Variants in TUT4 observed in about 807,000 individuals in gnomAD.
TUT4 encodes terminal uridylyl transferase 4.
A neutral mutation model predicts 192.2 loss-of-function variants in TUT4; 36 were observed. The ratio of observed to expected loss-of-function variants is 0.19; its 90% CI spans 0.14 to 0.25. TUT4 has a LOEUF of 0.25. Ranked by LOEUF, TUT4 falls within the 10% of genes least tolerant of loss-of-function variation. The pLI, the probability that TUT4 is intolerant of heterozygous loss-of-function variation, is 1.00. For synonymous variants in TUT4, 618 were observed against 666.0 expected, an observed-to-expected ratio of 0.93 and a Z score of 1.11; for missense variants, 1,493 against 1,957.2, an observed-to-expected ratio of 0.76 and a Z score of 4.47.
Position 52,463,822 on chromosome 1 carries a change from G to A in TUT4, c.3069+1248C>T, listed in dbSNP as rs1663300827. ...AGCGTAAGTACCCACTCTTACTGCT[G>A]AAATTGCACTTGGGGAAGGTCTGCT... On this transcript the variant is annotated intron_variant, in intron 16 of 29. Coordinates refer to ENST00000257177, the MANE Select transcript of TUT4 (RefSeq NM_001009881.3). 6 of 1,298,782 alleles carry A rather than the reference G, an allele frequency of 4.6e-6. No homozygotes were observed. In the South Asian group the frequency reaches 7.5e-5, roughly 16 times the overall value. 80.5% of individuals were successfully genotyped at this position (1,298,782 alleles called of 1,614,324 possible).
At chr1:52,526,896 G>A (rs1681922126) in intron 1 of TUT4, among the ~76,000 whole-genome samples, 1 of 152,024 alleles carries the variant, frequency 6.6e-6, no homozygotes, top group Non-Finnish European at 1.5e-5. Flanking sequence ...ATGGTGGCGT[G>A]CGCCTGTAAT....
Position 52,446,497 on chromosome 1 carries a change from A to C in TUT4, c.3514-55T>G, listed in dbSNP as rs565438214. On this transcript the variant is annotated intron_variant, in intron 21 of 29. Transcript: ENST00000257177. The stretch of plus-strand genomic sequence containing the variant: ...ATGTCTATACAGTACTATCCAAAAC[A>C]TGGACAGCAAATTTAAGTAAAATTA... The C allele has an allele frequency of 3.9e-6, 6 of 1,555,424 alleles. No individual in the cohort carries two copies. In the South Asian group the frequency reaches 6.1e-5, roughly 16 times the overall value.
intron 28 of TUT4, among the ~76,000 whole-genome samples, chr1:52,426,917 T>G (rs1223080457): frequency 1.3e-5 from 2 of 152,184 alleles, no homozygotes; most frequent in East Asian, 1.9e-4. Context: ...CAACTATGAT[T>G]ATTATTTTAA....
intron 3 of TUT4, among the ~76,000 whole-genome samples, chr1:52,512,071 T>A (rs1677322828): frequency 6.6e-6 from 1 of 152,162 alleles, no homozygotes; most frequent in Non-Finnish European, 1.5e-5. Context: ...AAATCAATCA[T>A]ATAAACTTTT....
chr1:52,487,834 A>G (rs1388991519), intron 9 of TUT4, among the ~76,000 whole-genome samples: 1 of 152,246 alleles, frequency 6.6e-6, no homozygotes. Flanking sequence ...ATGTGCTGAC[A>G]CAGTAAAATA....
At chr1:52,547,878 G>A (rs555796371) in intron 1 of TUT4, among the ~76,000 whole-genome samples, 66 of 152,274 alleles carry the variant, frequency 4.3e-4, no homozygotes, top group African/African-American at 8.9e-4. Context: ...GATTGTTAAT[G>A]GGAACTGGGT....
At chr1:52,480,773 C>G (rs1293589735) in intron 11 of TUT4, among the ~76,000 whole-genome samples, 1 of 152,132 alleles carries the variant, frequency 6.6e-6, no homozygotes, top group Non-Finnish European at 1.5e-5. Flanking sequence ...AATAAGCAAG[C>G]ATTGGCTGAG....
intron 14 of TUT4, among the ~76,000 whole-genome samples, chr1:52,470,906 G>T (rs539091413): frequency 2.0e-5 from 3 of 150,124 alleles, no homozygotes; most frequent in African/African-American, 4.9e-5. Flanking sequence ...CATGCAAGCC[G>T]TTCCCCAAAA....
At chr1:52,506,875 T>C (rs1390079461) in intron 4 of TUT4, among the ~76,000 whole-genome samples, 1 of 152,240 alleles carries the variant, frequency 6.6e-6, no homozygotes, top group East Asian at 1.9e-4. Context: ...GTGAACTTTT[T>C]TCAGTGATGA....
intron 2 of TUT4, among the ~76,000 whole-genome samples, chr1:52,524,623 T>C (rs879674864): frequency 5.9e-5 from 9 of 151,764 alleles, no homozygotes; most frequent in Non-Finnish European, 8.8e-5. Flanking sequence ...CTGGCCAATA[T>C]GGTGAAATCC....
chr1:52,455,581 C>A (rs1660654430), intron 20 of TUT4, among the ~76,000 whole-genome samples: 1 of 122,736 alleles, frequency 8.1e-6, no homozygotes, highest in Non-Finnish European at 1.6e-5. Context: ...CCAGCCCGGG[C>A]AGCAACAGGA....
intron 9 of TUT4, among the ~76,000 whole-genome samples, chr1:52,484,582 T>A (rs1669329588): frequency 6.6e-6 from 1 of 152,212 alleles, no homozygotes; most frequent in African/African-American, 2.4e-5. Flanking sequence ...TTTTAAATTT[T>A]CATTTAAGTA....
At chr1:52,425,864 G>A (rs1399066012) in intron 28 of TUT4, among the ~76,000 whole-genome samples, 1 of 151,624 alleles carries the variant, frequency 6.6e-6, no homozygotes, top group Non-Finnish European at 1.5e-5. Context: ...GGCAAAATAG[G>A]GAGGGGGTGG....
At chr1:52,536,785 T>C (rs1225530501) in intron 1 of TUT4, among the ~76,000 whole-genome samples, 29 of 142,354 alleles carry the variant, frequency 2.0e-4, no homozygotes, top group East Asian at 8.6e-4. Flanking sequence ...ACCCAGGAGG[T>C]GGAGGTTGCA....
At chr1:52,456,096 T>C (rs1184585755) in intron 20 of TUT4, among the ~76,000 whole-genome samples, 4 of 152,070 alleles carry the variant, frequency 2.6e-5, no homozygotes, top group Admixed American at 6.6e-5. Context: ...CAATGGAGTA[T>C]TACTGAGCAC....
At position 52,531,885 on chromosome 1, in the gene TUT4, CTTTTTTTTTTTTTT is replaced by C. The variant is rs1158088077; in HGVS notation, c.-93-5526_-93-5513del. ...AACAGTAGAGACTGTCTTTTCTCAT[CTTTTTTTTTTTTTT>C]TTTTTTTTTTTTTTTGAGACAGAAT... On this transcript the variant is annotated intron_variant, in intron 1 of 29. Coordinates refer to ENST00000257177, the MANE Select transcript of TUT4 (RefSeq NM_001009881.3). Among the ~76,000 whole-genome samples the C allele has an allele frequency of 8.8e-4, 71 of 80,832 alleles. 1 individual carries two copies. The highest frequency in any genetic ancestry group is 3.5e-3 in the African/African-American group (60 of 17,176). 53.0% of individuals were successfully genotyped at this position (80,832 alleles called of 152,430 possible). A position where few individuals can be genotyped will look rare whatever the true frequency, so the allele number is the denominator to read the frequency against.
chr1:52,501,951 G>C (rs1388475590), intron 4 of TUT4, among the ~76,000 whole-genome samples: 1 of 152,118 alleles, frequency 6.6e-6, no homozygotes, highest in African/African-American at 2.4e-5. Context: ...TGCAGGGAGA[G>C]GGGAATGGGG....
chr1:52,524,865 A>C (rs904244055), intron 2 of TUT4, among the ~76,000 whole-genome samples: 2 of 152,204 alleles, frequency 1.3e-5, no homozygotes, highest in East Asian at 1.9e-4. Context: ...ATAAAGTCCA[A>C]ACTTTCTGGC....
At chr1:52,487,476 T>C (rs1480834634) in intron 9 of TUT4, among the ~76,000 whole-genome samples, 1 of 151,930 alleles carries the variant, frequency 6.6e-6, no homozygotes, top group East Asian at 1.9e-4. Flanking sequence ...AAAAAAACCA[T>C]ACCTGGAATT....
Sources: gnomAD v4.1 joint callset for allele counts (sites outside exome capture counted in the v4.1 genomes callset) on GRCh38, gnomAD v4.1.1 for gene constraint, MANE v1.5 for transcripts, NCBI Gene and HGNC (gene_info 2026-07-23, HGNC 2026-07-21) for gene names.